PAPOLA: variants seen among roughly 807,000 people sequenced by gnomAD.
The protein encoded by PAPOLA is polynucleotide adenylyltransferase alpha.
PAPOLA carries 15 observed loss-of-function variants against 100.6 expected under a neutral mutation model. The ratio of observed to expected loss-of-function variants is 0.15; its 90% confidence interval spans 0.10 to 0.23. The LOEUF (loss-of-function observed/expected upper bound fraction) is 0.23. PAPOLA is among the 10% of genes least tolerant of loss of function. The pLI is 1.00. For missense variants in PAPOLA, 533 were observed against 884.2 expected (o/e 0.60, Z 5.04); for synonymous variants, 293 against 300.0 (o/e 0.98, Z 0.24).
chr14:96,559,502 T>C (rs1483736503), intron 19 of PAPOLA, among the ~76,000 whole-genome samples: 5 of 148,560 alleles, frequency 3.4e-5, no homozygotes, highest in Non-Finnish European at 7.4e-5. Context: ...TAATGTAAAA[T>C]AAAAATCGAA....
intron 1 of PAPOLA, among the ~76,000 whole-genome samples, chr14:96,517,784 A>G (rs1198885864): frequency 2.7e-5 from 4 of 149,946 alleles, no homozygotes; most frequent in African/African-American, 4.9e-5. Context: ...GCTTACCGCA[A>G]CCTCCACTTC....
chr14:96,564,027 G>T (rs1902083461), intron 21 of PAPOLA, among the ~76,000 whole-genome samples: 1 of 151,854 alleles, frequency 6.6e-6, no homozygotes, highest in Non-Finnish European at 1.5e-5. Context: ...GATTCATAGA[G>T]CCATAGAGAG....
chr14:96,522,080 GGCATGAGC>G (rs1898019475), intron 3 of PAPOLA, among the ~76,000 whole-genome samples: 1 of 149,334 alleles, frequency 6.7e-6, no homozygotes, highest in Non-Finnish European at 1.5e-5. Context: ...TGGGATTATA[GGCATGAGC>G]CACTGCATCT....
At chr14:96,531,401 T>G in intron 6 of PAPOLA, 74 bp from the exon 7 acceptor site, 2 of 1,181,004 alleles carry the variant, frequency 1.7e-6, no homozygotes, top group Non-Finnish European at 2.4e-6. Flanking sequence ...GGATTTTTTG[T>G]TTGTTTGTTT....
Position 96,544,265 on chromosome 14 carries a change from C to G in PAPOLA, c.1399+7C>G, listed in dbSNP as rs1350484190. 7.6e-7 allele frequency: 1 copy of G among 1,309,906 alleles called. No homozygotes were observed. The highest frequency in any genetic ancestry group is 1.7e-5 in the Admixed American group (1 of 57,466). The allele number at this position is 1,309,906 out of a possible 1,614,324, so 81.1% of individuals were successfully genotyped here. On this transcript the variant is annotated splice_region_variant and intron_variant, in intron 15 of 21. Transcript: ENST00000216277. ...CAGTCTTTCACAGATACAGGTATGT[C>G]TTTACTTGGATAATCAAAACACTTC...
At chr14:96,509,066 C>CT (rs776121102) in intron 1 of PAPOLA, among the ~76,000 whole-genome samples, 23 of 152,194 alleles carry the variant, frequency 1.5e-4, no homozygotes, top group Non-Finnish European at 3.1e-4. Flanking sequence ...CAGGAACTCA[C>CT]TGTTGCCCAG....
At chr14:96,515,795 G>A (rs559313590) in intron 1 of PAPOLA, among the ~76,000 whole-genome samples, 13 of 152,242 alleles carry the variant, frequency 8.5e-5, no homozygotes, top group African/African-American at 2.9e-4. Flanking sequence ...TTTGTGTTAC[G>A]TAAATTGTAG....
At chr14:96,531,668 T>A (rs1180124273) in intron 7 of PAPOLA, 82 bp downstream of exon 7, 1 of 1,539,882 alleles carries the variant, frequency 6.5e-7, no homozygotes, top group Non-Finnish European at 8.7e-7. Context: ...GTATTGAAGC[T>A]TTTTATAGCT....
chr14:96,534,303 A>G, intron 9 of PAPOLA, 188 bp from the exon 10 acceptor site: 1 of 1,382,352 alleles, frequency 7.2e-7, no homozygotes, highest in Non-Finnish European at 9.3e-7. Flanking sequence ...AAATGGTTTA[A>G]GTTCATTTCA....
intron 11 of PAPOLA, among the ~76,000 whole-genome samples, chr14:96,536,626 C>A (rs1355107319): frequency 2.0e-5 from 3 of 151,922 alleles, no homozygotes; most frequent in Non-Finnish European, 4.4e-5. Flanking sequence ...GCCTCTATCC[C>A]TTTAGAAACA....
chr14:96,556,444 A>G (rs764670892), intron 19 of PAPOLA, 31 bp downstream of exon 19: 4 of 1,343,508 alleles, frequency 3.0e-6, no homozygotes, highest in Admixed American at 1.8e-5. Flanking sequence ...TTAGTTAGCC[A>G]TGGCAACACC....
At chr14:96,542,384 C>A in intron 13 of PAPOLA, 88 bp downstream of exon 13, 1 of 775,538 alleles carries the variant, frequency 1.3e-6, no homozygotes, top group South Asian at 1.6e-5. Flanking sequence ...GGAGGAAGTC[C>A]TTAAAACTTC....
At chr14:96,520,817 G>A in intron 2 of PAPOLA, 189 bp from the exon 3 acceptor site, 3 of 502,114 alleles carry the variant, frequency 6.0e-6, no homozygotes, top group East Asian at 3.5e-5. Flanking sequence ...AACAGTGCCT[G>A]TATATATATA....
intron 6 of PAPOLA, among the ~76,000 whole-genome samples, chr14:96,529,138 A>G (rs1257263216): frequency 2.0e-5 from 3 of 152,186 alleles, no homozygotes; most frequent in Non-Finnish European, 4.4e-5. Flanking sequence ...TAGGAACATA[A>G]TATTTTAGGA....
Position 96,565,039 on chromosome 14 carries a change from T to C in PAPOLA, c.2227T>C (p.Leu743=). Residue 743 remains leucine (L), a synonymous_variant, in exon 22 of 22, where the codon TTG becomes CTG. Coordinates refer to ENST00000216277, the MANE Select transcript of PAPOLA (RefSeq NM_032632.5). ...TATCAAGAATTCAATAAAACTGAGA[T>C]TGAATCGGTAAAAACAACCTCAGGG... The part of the protein sequence containing the change: ...PVIKNSIKLR[L]NR 3.2e-6 allele frequency: 5 copies of C among 1,565,686 alleles called. No individual in the cohort carries two copies. The highest frequency in any genetic ancestry group is 3.5e-6 in the Non-Finnish European group (4 of 1,136,284).
At chr14:96,549,757 A>T (rs1900687500) in intron 16 of PAPOLA, among the ~76,000 whole-genome samples, 1 of 152,218 alleles carries the variant, frequency 6.6e-6, no homozygotes, top group Non-Finnish European at 1.5e-5. Flanking sequence ...CAAAACTAAA[A>T]TATCAAGTTA....
At chr14:96,559,509 C>T (rs971066222) in intron 19 of PAPOLA, among the ~76,000 whole-genome samples, 7 of 140,232 alleles carry the variant, frequency 5.0e-5, no homozygotes, top group African/African-American at 1.1e-4. Context: ...AAATAAAAAT[C>T]GAAAATGTTT....
In PAPOLA at chr14:96,556,384, G is replaced by A. The variant is rs780421638; in HGVS notation, c.1975G>A (p.Glu659Lys). ...VKRTSSPHKEESPKKTKTEED... is the reference protein window; with the variant it reads ...VKRTSSPHKEKSPKKTKTEED... Reference sequence around the variant, plus strand: ...GAGGACATCCTCACCTCATAAAGAAGAGAGTCCCAAGAAAACCAAAACAGA... The same window carrying A: ...GAGGACATCCTCACCTCATAAAGAAAAGAGTCCCAAGAAAACCAAAACAGA... Residue 659 changes from glutamate to lysine, a missense_variant, in exon 19 of 22, where the codon GAG (glutamate) becomes AAG (lysine). By Grantham distance (56) the Glu-to-Lys change is moderately conservative. Transcript: ENST00000216277. The A allele has an allele frequency of 3.1e-6, 5 of 1,613,280 alleles. No individual in the cohort carries two copies. The highest frequency in any genetic ancestry group is 1.3e-5 in the African/African-American group (1 of 74,862).
At chr14:96,518,431 C>T (rs1438969582) in intron 1 of PAPOLA, among the ~76,000 whole-genome samples, 65 of 150,070 alleles carry the variant, frequency 4.3e-4, no homozygotes, top group African/African-American at 1.2e-3. Flanking sequence ...TTTTTTGAGA[C>T]GGAGTCTCGC....
Sources: gnomAD v4.1 joint callset for allele counts (sites outside exome capture counted in the v4.1 genomes callset) on GRCh38, gnomAD v4.1.1 for gene constraint, MANE v1.5 for transcripts, NCBI Gene and HGNC (gene_info 2026-07-23, HGNC 2026-07-21) for gene names.